The following CEP112 variants were observed in gnomAD, a reference collection of about 807,000 sequenced individuals.
CEP112 encodes centrosomal protein 112, also known as centrosomal protein of 112 kDa.
Under a neutral mutation model 153.0 loss-of-function variants are expected in CEP112, and 127 were observed. The observed-to-expected ratio is 0.83, with a 90% CI of 0.72 to 0.96. CEP112 has a LOEUF of 0.96. CEP112 is among the 40% of genes least tolerant of loss of function. CEP112 has a pLI of 0.00. For synonymous variants in CEP112, 358 were observed against 374.4 expected (o/e 0.96, Z 0.51); for missense variants, 1,089 against 1,101.2 (o/e 0.99, Z 0.16).
chr17:66,070,076 A>G, intron 8 of CEP112, 75 bp from the exon 9 acceptor site: 1 of 763,282 alleles, frequency 1.3e-6, no homozygotes, highest in Non-Finnish European at 2.2e-6. Flanking sequence ...AAACTAAAAT[A>G]ATTCCCTATA....
At chr17:66,026,997 A>C (rs376202561) in intron 16 of CEP112, among the ~76,000 whole-genome samples, 2 of 152,336 alleles carry the variant, frequency 1.3e-5, no homozygotes, top group African/African-American at 4.8e-5. Context: ...GATATAACTA[A>C]TAATTGAACT....
intron 8 of CEP112, among the ~76,000 whole-genome samples, chr17:66,088,499 G>A (rs2068022768): frequency 1.3e-5 from 2 of 151,744 alleles, no homozygotes; most frequent in Admixed American, 1.3e-4. Context: ...GTGAATATAG[G>A]CTCCAGACAT....
Position 65,921,340 on chromosome 17 carries a change from C to T in CEP112, c.1980+6242G>A, listed in dbSNP as rs576631667. Among the ~76,000 whole-genome samples, 16 of 152,106 alleles carry T rather than the reference C, an allele frequency of 1.1e-4. No homozygotes were observed. In the East Asian group the frequency reaches 2.7e-3, roughly 26 times the overall value. ...GGCTTGTAGAGCTCACTACTGTATGCCTATCGTTTGTCATGATAAACTTCC... is the reference window on the plus strand; with the variant it reads ...GGCTTGTAGAGCTCACTACTGTATGTCTATCGTTTGTCATGATAAACTTCC... On this transcript the variant is annotated intron_variant, in intron 19 of 26. Transcript: ENST00000535342.
chr17:66,123,967 C>G (rs182002658), intron 6 of CEP112, among the ~76,000 whole-genome samples: 1 of 152,176 alleles, frequency 6.6e-6, no homozygotes, highest in African/African-American at 2.4e-5. Flanking sequence ...AGTGGACAGT[C>G]AACTGCATTC....
chr17:66,038,453 T>C (rs1264282759), intron 12 of CEP112, among the ~76,000 whole-genome samples: 1 of 152,214 alleles, frequency 6.6e-6, no homozygotes, highest in African/African-American at 2.4e-5. Flanking sequence ...AGGGAAAGCC[T>C]ATAGGCATAT....
rs117424772 is a variant in CEP112 at position 66,124,794 on chromosome 17, G to A, written c.642+4952C>T. ...TCATATTCCAACTTCCCTCTCAATC[G>A]GCCTGTTATTATTGACTTTTCAGAG... On this transcript the variant is annotated intron_variant, in intron 6 of 26. Coordinates refer to ENST00000535342, the MANE Select transcript of CEP112 (RefSeq NM_001199165.4). Among the ~76,000 whole-genome samples, 1,189 of 152,062 alleles carry A rather than the reference G, an allele frequency of 7.8e-3. 5 individuals are homozygous for A. The highest frequency in any genetic ancestry group is 0.014 in the Middle Eastern group (4 of 294).
intron 6 of CEP112, among the ~76,000 whole-genome samples, chr17:66,108,391 C>T (rs2068874320): frequency 6.6e-6 from 1 of 151,660 alleles, no homozygotes; most frequent in South Asian, 2.1e-4. Flanking sequence ...AAAATATTTG[C>T]AAAGGAGCTC....
chr17:66,082,225 G>A (rs1377389652), intron 8 of CEP112, among the ~76,000 whole-genome samples: 1 of 152,004 alleles, frequency 6.6e-6, no homozygotes, highest in Non-Finnish European at 1.5e-5. Flanking sequence ...CCTTTCTTCA[G>A]ATTACTAAAA....
At chr17:66,008,661 C>T (rs1025351632) in intron 16 of CEP112, among the ~76,000 whole-genome samples, 6 of 152,092 alleles carry the variant, frequency 3.9e-5, no homozygotes, top group Non-Finnish European at 7.4e-5. Flanking sequence ...AAACTTTGTA[C>T]CCTTTAACCA....
At chr17:66,120,548 G>A (rs2069525115) in intron 6 of CEP112, among the ~76,000 whole-genome samples, 1 of 152,106 alleles carries the variant, frequency 6.6e-6, no homozygotes, top group Admixed American at 6.6e-5. Context: ...ATAGCTATAG[G>A]ACTATGCAGG....
intron 17 of CEP112, among the ~76,000 whole-genome samples, chr17:65,996,129 C>CGTGTGTGTGTGTGT (rs3055983): frequency 6.9e-6 from 1 of 145,686 alleles, no homozygotes; most frequent in Non-Finnish European, 1.5e-5. Flanking sequence ...GAAAAATATA[C>CGTGTGTGTGTGTGT]GTGTGTGTGT....
chr17:65,907,894 C>T (rs990731338), intron 19 of CEP112, among the ~76,000 whole-genome samples: 5 of 152,178 alleles, frequency 3.3e-5, no homozygotes, highest in African/African-American at 9.7e-5. Context: ...GTAGATACTT[C>T]GGTTGACCAA....
At chr17:65,806,454 G>C (rs961201508) in intron 21 of CEP112, among the ~76,000 whole-genome samples, 1 of 152,234 alleles carries the variant, frequency 6.6e-6, no homozygotes, top group East Asian at 1.9e-4. Context: ...AGTGGGAACC[G>C]TAAGAGGTGA....
At chr17:65,684,683 C>T (rs920495583) in intron 24 of CEP112, among the ~76,000 whole-genome samples, 1 of 152,124 alleles carries the variant, frequency 6.6e-6, no homozygotes, top group Non-Finnish European at 1.5e-5. Context: ...TAATCTGTAC[C>T]TGCACCCGAG....
intron 17 of CEP112, among the ~76,000 whole-genome samples, chr17:65,968,812 C>T (rs1266512948): frequency 3.3e-5 from 5 of 152,126 alleles, no homozygotes; most frequent in Admixed American, 1.3e-4. Context: ...AAAATAGTTT[C>T]GCTACATGTA....
intron 24 of CEP112, among the ~76,000 whole-genome samples, chr17:65,669,897 C>A (rs568371373): frequency 1.4e-4 from 17 of 118,468 alleles, no homozygotes; most frequent in Non-Finnish European, 2.4e-4. Flanking sequence ...AGCGAGACTT[C>A]GTCTTGAAAA....
chr17:65,686,887 T>C (rs557639117), intron 24 of CEP112, among the ~76,000 whole-genome samples: 1 of 152,174 alleles, frequency 6.6e-6, no homozygotes, highest in South Asian at 2.1e-4. Context: ...TTGCTAGATA[T>C]GTAACTTGAA....
intron 6 of CEP112, among the ~76,000 whole-genome samples, chr17:66,116,425 CT>C (rs1216614849): frequency 1.3e-5 from 2 of 151,972 alleles, no homozygotes; most frequent in African/African-American, 4.8e-5. Flanking sequence ...TATATTTTGG[CT>C]TTGTTTTTTT....
At chr17:65,834,476 A>G (rs968574967) in intron 21 of CEP112, among the ~76,000 whole-genome samples, 1 of 152,192 alleles carries the variant, frequency 6.6e-6, no homozygotes, top group African/African-American at 2.4e-5. Context: ...AATATCCAGC[A>G]TCTATAAGGA....
Sources: gnomAD v4.1 joint callset for allele counts (sites outside exome capture counted in the v4.1 genomes callset) on GRCh38, gnomAD v4.1.1 for gene constraint, MANE v1.5 for transcripts, NCBI Gene and HGNC (gene_info 2026-07-23, HGNC 2026-07-21) for gene names.